The following CNNM2 variants were observed in gnomAD, a reference collection of about 807,000 sequenced individuals.
The protein encoded by CNNM2 is metal transporter CNNM2.
In CNNM2, 12 loss-of-function variants were observed where a neutral mutation model predicts 66.9. The observed-to-expected ratio is 0.18, with a 90% CI of 0.11 to 0.29. CNNM2 has a LOEUF of 0.29. CNNM2 is among the 10% of genes least tolerant of loss of function. CNNM2 has a pLI of 1.00. For missense variants in CNNM2, 705 were observed against 1,167.7 expected (o/e 0.60, Z 5.77); for synonymous variants, 557 against 501.8 (o/e 1.11, Z -1.47).
chr10:103,034,350 C>CAA (rs1415617400), intron 1 of CNNM2, among the ~76,000 whole-genome samples: 1 of 147,016 alleles, frequency 6.8e-6, no homozygotes, highest in Non-Finnish European at 1.5e-5. Flanking sequence ...CAAAACAAAA[C>CAA]AAAAAAAACC....
Position 103,077,150 on chromosome 10 carries a change from C to T in CNNM2, c.2598C>T (p.Asn866=), listed in dbSNP as rs1333748240. The change falls in exon 8 of 8, where the codon AAC becomes AAT. Residue 866 remains asparagine, a synonymous_variant. Coordinates refer to ENST00000369878, the MANE Select transcript of CNNM2 (RefSeq NM_017649.5). ...ACTGTGTGACGCACAGTAAGGCCAA[C>T]CACAGCCTGCACAACGAAGGCGCCA... The part of the protein sequence containing the change: ...EQNCVTHSKA[N]HSLHNEGAI 6.2e-7 allele frequency: 1 copy of T among 1,613,684 alleles called. No individual in the cohort carries two copies. The highest frequency in any genetic ancestry group is 8.5e-7 in the Non-Finnish European group (1 of 1,179,906).
At chr10:103,067,753 A>G (rs1489491242) in intron 4 of CNNM2, among the ~76,000 whole-genome samples, 1 of 152,200 alleles carries the variant, frequency 6.6e-6, no homozygotes, top group Non-Finnish European at 1.5e-5. Context: ...TCATCAAGGT[A>G]AAGAAGAAGT....
At chr10:102,970,630 A>G (rs1003531466) in intron 1 of CNNM2, among the ~76,000 whole-genome samples, 5 of 152,052 alleles carry the variant, frequency 3.3e-5, no homozygotes, top group East Asian at 1.9e-4. Flanking sequence ...GGGTCTCACA[A>G]TGTTGCCCAG....
rs11191466 is a variant in CNNM2 at position 102,935,438 on chromosome 10, G to A, written c.1621+15337G>A. 0.11 allele frequency among the ~76,000 whole-genome samples: 17,377 copies of A among 151,920 alleles called. 1,177 individuals are homozygous for A. The highest frequency in any genetic ancestry group is 0.15 in the Non-Finnish European group (10,077 of 67,936). ...ATCACACCTCTGCAATCCAGTCTGA[G>A]CAACAGAGGAGACCTCATCTCAAAA... On this transcript the variant is annotated intron_variant, in intron 1 of 7. Transcript: ENST00000369878.
chr10:102,938,619 C>CAAAA (rs10596673), intron 1 of CNNM2, among the ~76,000 whole-genome samples: 2 of 63,678 alleles, frequency 3.1e-5, no homozygotes, highest in African/African-American at 6.7e-5. Context: ...GACCCTGTCT[C>CAAAA]AAAAAAAAAA....
rs72843974 is a variant in CNNM2 at position 103,073,100 on chromosome 10, C to T, written c.2233+1261C>T. ...CAGCGCCTCTGCTCGCGCTGGCGCC[C>T]GTCGAGCTGTTGAAAGGGACATGGA... On this transcript the variant is annotated intron_variant, in intron 6 of 7. Coordinates refer to ENST00000369878, the MANE Select transcript of CNNM2 (RefSeq NM_017649.5). 0.045 allele frequency among the ~76,000 whole-genome samples: 6,781 copies of T among 152,308 alleles called. 164 individuals carry two copies. The highest frequency in any genetic ancestry group is 0.052 in the Non-Finnish European group (3,552 of 68,026).
intron 1 of CNNM2, among the ~76,000 whole-genome samples, chr10:103,045,670 A>G (rs1294793776): frequency 1.3e-5 from 2 of 151,952 alleles, no homozygotes; most frequent in Admixed American, 1.3e-4. Context: ...AAGTTTCCAG[A>G]TAATGCCTAC....
At chr10:102,959,438 A>G (rs530309577) in intron 1 of CNNM2, among the ~76,000 whole-genome samples, 7 of 152,364 alleles carry the variant, frequency 4.6e-5, no homozygotes, top group African/African-American at 1.7e-4. Flanking sequence ...ATTGAAGACA[A>G]TGCAAATGTC....
At chr10:103,013,453 A>G (rs1301707186) in intron 1 of CNNM2, among the ~76,000 whole-genome samples, 3 of 152,158 alleles carry the variant, frequency 2.0e-5, no homozygotes, top group Non-Finnish European at 4.4e-5. Flanking sequence ...GTGCACTGGA[A>G]GGAAGGGAAA....
At chr10:102,960,595 A>C (rs2063363619) in intron 1 of CNNM2, among the ~76,000 whole-genome samples, 1 of 152,036 alleles carries the variant, frequency 6.6e-6, no homozygotes. Flanking sequence ...TTATGTCTTA[A>C]ATTCAACAGA....
At position 103,058,664 on chromosome 10, in the gene CNNM2, T is replaced by C. The variant is rs906034381; in HGVS notation, c.2073+1700T>C. ...TATACCAATTTGTGTTAAATACTTA[T>C]ATAAAGGTGACAAGTTTTTTGAACT... On this transcript the variant is annotated intron_variant, in intron 4 of 7. Transcript: ENST00000369878. 5.9e-5 allele frequency among the ~76,000 whole-genome samples: 9 copies of C among 152,344 alleles called. No individual in the cohort carries two copies. In the East Asian group the frequency reaches 7.7e-4, roughly 13 times the overall value.
intron 1 of CNNM2, among the ~76,000 whole-genome samples, chr10:103,035,430 C>T (rs971070130): frequency 1.3e-5 from 2 of 151,992 alleles, no homozygotes; most frequent in African/African-American, 4.8e-5. Context: ...TTACAGACCA[C>T]CAAAAAAGAT....
intron 1 of CNNM2, among the ~76,000 whole-genome samples, chr10:102,951,563 A>G (rs1461009994): frequency 1.3e-5 from 2 of 152,084 alleles, no homozygotes; most frequent in East Asian, 1.9e-4. Flanking sequence ...TTTTAAGGAT[A>G]ACTTGCCAAA....
chr10:103,054,557 C>A lies in CNNM2; in HGVS notation c.1903+91C>A. 7.4e-7 allele frequency: 1 copy of A among 1,358,770 alleles called. No homozygotes were observed. Among genetic ancestry groups the A allele is most frequent in the South Asian group, 1.3e-5 (1 of 74,422 alleles). 84.2% of individuals were successfully genotyped at this position (1,358,770 alleles called of 1,614,324 possible). A position where few individuals can be genotyped will look rare whatever the true frequency, so the allele number is the denominator to read the frequency against. On this transcript the variant is annotated intron_variant, in intron 3 of 7. Coordinates refer to ENST00000369878, the MANE Select transcript of CNNM2 (RefSeq NM_017649.5). The surrounding 1 kb of genome is among the most constrained non-coding windows in gnomAD (Gnocchi z 5.2). ...GACTGGGGTGGGTTGGGGGTGGACA[C>A]TGGGAAATGGGGTGATAAGTAATGC...
chr10:103,075,647 T>C (rs2065677204), intron 6 of CNNM2, among the ~76,000 whole-genome samples: 1 of 152,222 alleles, frequency 6.6e-6, no homozygotes, highest in Non-Finnish European at 1.5e-5. Context: ...TACATACTGA[T>C]TTATTAATAT....
rs1293027932 is a variant in CNNM2, at chr10:103,076,988, C to T, written c.2436C>T (p.Tyr812=). Residue 812 remains tyrosine, a synonymous_variant, in exon 8 of 8, where the codon TAC becomes TAT. Coordinates refer to ENST00000369878, the MANE Select transcript of CNNM2 (RefSeq NM_017649.5). ...LQFVKISRQQ[Y]QNALMASRMD... ...GGCCCCAGATCTCAAGACAGCAATACCAAAATGCCTTGATGGCATCCCGGA... is the reference window on the plus strand; with the variant it reads ...GGCCCCAGATCTCAAGACAGCAATATCAAAATGCCTTGATGGCATCCCGGA... The T allele has an allele frequency of 2.5e-6, 4 of 1,613,826 alleles. No homozygotes were observed. Among genetic ancestry groups the T allele is most frequent in the South Asian group, 1.1e-5 (1 of 91,088 alleles).
rs1453249064 is a variant in CNNM2, at chr10:103,084,592, G to GA, written c.*7415dup. ...TAGATGAGCCCTTAGCTCAAATCAG[G>GA]AAATGCTCCAAGGAAAATGGAGGCA... On this transcript the variant is annotated 3_prime_UTR_variant, in exon 8 of 8. Transcript: ENST00000369878. 2 of 152,130 alleles carry GA rather than the reference G, an allele frequency of 1.3e-5. No individual in the cohort carries two copies. Among genetic ancestry groups the GA allele is most frequent in the Non-Finnish European group, 2.9e-5 (2 of 68,030 alleles). The allele number at this position is 152,130 out of a possible 1,614,324, so 9.4% of individuals were successfully genotyped here.
chr10:103,036,276 C>CA (rs1353953118), intron 1 of CNNM2, among the ~76,000 whole-genome samples: 1 of 152,162 alleles, frequency 6.6e-6, no homozygotes, highest in East Asian at 1.9e-4. Context: ...CCCACAGGCA[C>CA]AGTCTGAAGT....
At chr10:103,008,765 C>T (rs1264134323) in intron 1 of CNNM2, among the ~76,000 whole-genome samples, 12 of 111,032 alleles carry the variant, frequency 1.1e-4, no homozygotes, top group South Asian at 3.0e-4. Context: ...GGTGACAGAG[C>T]GAGACCCTGT....
Sources: gnomAD v4.1 joint callset for allele counts (sites outside exome capture counted in the v4.1 genomes callset) on GRCh38, gnomAD v4.1.1 for gene constraint, Gnocchi (gnomAD v3.1) non-coding constraint, MANE v1.5 for transcripts, NCBI Gene and HGNC (gene_info 2026-07-23, HGNC 2026-07-21) for gene names.